The following DSCAM variants were observed in gnomAD, a reference collection of about 807,000 sequenced individuals.
DSCAM encodes the protein cell adhesion molecule DSCAM.
In DSCAM, 47 loss-of-function variants were observed where a neutral mutation model predicts 217.7. The observed-to-expected ratio is 0.22, with a 90% confidence interval of 0.17 to 0.28. DSCAM has a LOEUF of 0.28. DSCAM is among the 10% of genes least tolerant of loss of function. DSCAM has a pLI of 1.00. For missense variants in DSCAM, 2,080 were observed against 2,618.3 expected, an observed-to-expected ratio of 0.79 and a Z score of 4.49; for synonymous variants, 1,056 against 1,015.3, an observed-to-expected ratio of 1.04 and a Z score of -0.76.
chr21:40,736,305 AG>A (rs2091062690), intron 1 of DSCAM, among the ~76,000 whole-genome samples: 1 of 152,128 alleles, frequency 6.6e-6, no homozygotes, highest in Admixed American at 6.5e-5. Context: ...TCTATTACAT[AG>A]GCTTGATTGA....
intron 1 of DSCAM, among the ~76,000 whole-genome samples, chr21:40,842,968 G>A (rs1453359476): frequency 6.6e-6 from 1 of 152,184 alleles, no homozygotes; most frequent in Non-Finnish European, 1.5e-5. Context: ...GAATTTAGGT[G>A]AACCCTGAGA....
intron 3 of DSCAM, among the ~76,000 whole-genome samples, chr21:40,665,704 C>T (rs957520985): frequency 3.3e-5 from 5 of 152,216 alleles, no homozygotes; most frequent in Non-Finnish European, 5.9e-5. Context: ...GCTGGCACTA[C>T]TGCTCACCGT....
intron 3 of DSCAM, among the ~76,000 whole-genome samples, chr21:40,644,033 C>T (rs569902875): frequency 1.4e-4 from 21 of 152,312 alleles, no homozygotes; most frequent in Non-Finnish European, 4.4e-5. Flanking sequence ...TCTTGTTAAA[C>T]TCCCAACTTC....
intron 3 of DSCAM, among the ~76,000 whole-genome samples, chr21:40,380,326 CTTTTA>C (rs901144831): frequency 1.1e-4 from 16 of 152,156 alleles, no homozygotes; most frequent in African/African-American, 3.9e-4. Flanking sequence ...AATTCCTTTA[CTTTTA>C]AATGAATCAC....
chr21:40,672,370 AAG>A (rs1227784609), intron 3 of DSCAM, among the ~76,000 whole-genome samples: 3 of 152,176 alleles, frequency 2.0e-5, no homozygotes, highest in African/African-American at 7.2e-5. Flanking sequence ...GGAAGCTGGA[AAG>A]AGAGGTCCCT....
rs770045436 is a variant in DSCAM, at chr21:40,692,826, A to G, written c.492T>C (p.Thr164=). ...YITVVSWEKD[T]VSLVSGSRFL... ...AAAGCCTACCTGAGACAAGTGAAAC[A>G]GTGTCTTTCTCCCATGAGACGACAG... Residue 164 remains threonine, a synonymous_variant, in exon 3 of 33, where the codon ACT becomes ACC. Transcript: ENST00000400454. 5.6e-6 allele frequency: 9 copies of G among 1,612,796 alleles called. No individual in the cohort carries two copies. The highest frequency in any genetic ancestry group is 1.7e-5 in the Admixed American group (1 of 59,992).
At chr21:40,266,635 T>TTATATATATATATATATATATATA (rs71186923) in intron 11 of DSCAM, among the ~76,000 whole-genome samples, 2 of 62,626 alleles carry the variant, frequency 3.2e-5, no homozygotes, top group African/African-American at 1.7e-4. Context: ...CAAAGATGTT[T>TTATATATATATATATATATATATA]TATATATATA....
chr21:40,236,905 G>T (rs990582531), intron 11 of DSCAM, among the ~76,000 whole-genome samples: 3 of 152,168 alleles, frequency 2.0e-5, no homozygotes, highest in African/African-American at 7.2e-5. Context: ...GCCATGGACA[G>T]CTTTATTACT....
At chr21:40,142,117 T>C (rs1214361315) in intron 18 of DSCAM, among the ~76,000 whole-genome samples, 3 of 152,092 alleles carry the variant, frequency 2.0e-5, no homozygotes, top group Non-Finnish European at 4.4e-5. Context: ...CCCCCCTCCA[T>C]GTGCCTGGGC....
intron 3 of DSCAM, among the ~76,000 whole-genome samples, chr21:40,574,396 A>G (rs920602770): frequency 2.0e-5 from 3 of 152,232 alleles, no homozygotes; most frequent in Admixed American, 6.5e-5. Flanking sequence ...CAATACATGT[A>G]GAAAAAGCAT....
At chr21:40,650,686 C>A (rs556728869) in intron 3 of DSCAM, among the ~76,000 whole-genome samples, 3 of 152,142 alleles carry the variant, frequency 2.0e-5, no homozygotes, top group Non-Finnish European at 2.9e-5. Flanking sequence ...GAGGCCAAGG[C>A]GGGCGGATCA....
At chr21:40,328,394 G>C (rs550712759) in intron 8 of DSCAM, among the ~76,000 whole-genome samples, 1 of 152,064 alleles carries the variant, frequency 6.6e-6, no homozygotes, top group East Asian at 1.9e-4. Context: ...AAATGGTGTT[G>C]GGGAAACTAG....
intron 30 of DSCAM, 88 bp downstream of exon 30, chr21:40,051,870 C>T: frequency 6.7e-7 from 1 of 1,491,090 alleles, no homozygotes; most frequent in African/African-American, 1.4e-5. Context: ...TATGAAAAGC[C>T]ACACATTTTC....
At chr21:40,447,178 G>T (rs2075681900) in intron 3 of DSCAM, among the ~76,000 whole-genome samples, 1 of 152,126 alleles carries the variant, frequency 6.6e-6, no homozygotes, top group Admixed American at 6.5e-5. Context: ...TCAGGCTAAG[G>T]TTGGGCATGT....
intron 11 of DSCAM, among the ~76,000 whole-genome samples, chr21:40,218,426 C>T (rs1481075566): frequency 2.0e-5 from 3 of 152,040 alleles, no homozygotes; most frequent in Non-Finnish European, 2.9e-5. Context: ...TTGGGTAACG[C>T]GATGCTTCCA....
At chr21:40,261,797 C>T (rs2073456030) in intron 11 of DSCAM, among the ~76,000 whole-genome samples, 1 of 151,952 alleles carries the variant, frequency 6.6e-6, no homozygotes, top group African/African-American at 2.4e-5. Flanking sequence ...CTCTGGAGAA[C>T]CCTGACAAAT....
rs2091900604 is a variant in DSCAM at position 40,818,422 on chromosome 21, T to G, written c.43+28197A>C. ...TTAGCTGGGTGTGGTGGCGGGCGCC[T>G]GTAGTCCCAGCTACCCAGGAGGCTG... On this transcript the variant is annotated intron_variant, in intron 1 of 32. Transcript: ENST00000400454. 1.3e-5 allele frequency among the ~76,000 whole-genome samples: 2 copies of G among 151,006 alleles called. 1 individual carries two copies. Among genetic ancestry groups the G allele is most frequent in the South Asian group, 4.2e-4 (2 of 4,782 alleles).
At chr21:40,426,235 A>G (rs575255898) in intron 3 of DSCAM, among the ~76,000 whole-genome samples, 128 of 152,358 alleles carry the variant, frequency 8.4e-4, no homozygotes, top group African/African-American at 3.0e-3. Flanking sequence ...GACTGCTGTC[A>G]CAGTTAACAG....
At chr21:40,680,966 C>G (rs977657526) in intron 3 of DSCAM, among the ~76,000 whole-genome samples, 1 of 152,218 alleles carries the variant, frequency 6.6e-6, no homozygotes, top group Non-Finnish European at 1.5e-5. Flanking sequence ...GTCAATACAA[C>G]TTTGCAAATA....
Sources: allele counts gnomAD v4.1 joint callset (sites outside exome capture counted in the v4.1 genomes callset), GRCh38; gene constraint gnomAD v4.1.1; transcripts MANE v1.5; gene names NCBI Gene and HGNC (gene_info 2026-07-23, HGNC 2026-07-21).